The following GNAS variants were observed in gnomAD, a reference collection of about 807,000 sequenced individuals.
GNAS encodes the protein GNAS complex locus.
In GNAS, 8 loss-of-function variants were observed where a neutral mutation model predicts 54.5. The observed-to-expected ratio is 0.15, with a 90% CI of 0.09 to 0.26. The LOEUF (loss-of-function observed/expected upper bound fraction) is 0.26, where lower values mean the gene tolerates loss of function less well. Among genes scored for constraint, GNAS ranks in the 10% least tolerant of loss-of-function variants. The pLI is 1.00. For missense variants in GNAS, 170 were observed against 529.8 expected, an observed-to-expected ratio of 0.32 and a Z score of 6.67; for synonymous variants, 204 against 191.4, an observed-to-expected ratio of 1.07 and a Z score of -0.54.
intron 1 of GNAS, among the ~76,000 whole-genome samples, chr20:58,874,750 G>GCCTGCCTTCTATCTTAGTTCCAGT (rs1289722711): frequency 2.0e-4 from 31 of 151,638 alleles, no homozygotes; most frequent in Admixed American, 3.3e-4. Context: ...TTAGTTCCTG[G>GCCTGCCTTCTATCTTAGTTCCAGT]CCTGCCCTCT....
At chr20:58,889,251 C>G (rs1434583262), upstream of GNAS, 2 of 1,115,928 alleles carry the variant, frequency 1.8e-6, no homozygotes, top group South Asian at 1.9e-5. Flanking sequence ...CTCTCTGGCT[C>G]CGGGCTGCGG....
rs759608890 is a variant in GNAS at position 58,909,148 on chromosome 20, T to A, written c.531-14T>A. The A allele has an allele frequency of 2.5e-6, 4 of 1,612,550 alleles. No homozygotes were observed. The highest frequency in any genetic ancestry group is 1.7e-5 in the Admixed American group (1 of 59,946). ...GCGCTGTGAACACCCCACGTGTCTT[T>A]CTTTTTCTCCCAGCTTCCTGGACAA... On this transcript the variant is annotated splice_polypyrimidine_tract_variant and intron_variant, in intron 6 of 12. Transcript: ENST00000371085. The surrounding 1 kb of genome is among the most constrained non-coding windows in gnomAD (Gnocchi z 7.3).
intron 1 of GNAS, among the ~76,000 whole-genome samples, chr20:58,893,066 CTTTTTTTTTTTT>C (rs869179421): frequency 2.9e-5 from 3 of 103,096 alleles, no homozygotes; most frequent in South Asian, 3.0e-4. Flanking sequence ...GGCGTGGTTT[CTTTTTTTTTTTT>C]TTTTTTTTTT....
At chr20:58,839,772 A>G, upstream of GNAS, 1 of 567,508 alleles carries the variant, frequency 1.8e-6, no homozygotes, top group Non-Finnish European at 3.1e-6. Flanking sequence ...TCTCCCAGGC[A>G]AGAGGACCGG....
At chr20:58,843,728 C>T (rs1466834256) in intron 1 of GNAS, among the ~76,000 whole-genome samples, 1 of 152,178 alleles carries the variant, frequency 6.6e-6, no homozygotes, top group African/African-American at 2.4e-5. Flanking sequence ...TCCTTTAGTA[C>T]ATTAATCATT....
chr20:58,888,220 G>A (rs1252805942), upstream of GNAS, among the ~76,000 whole-genome samples: 3 of 152,152 alleles, frequency 2.0e-5, no homozygotes, highest in African/African-American at 7.2e-5. Context: ...CGGGACGTAG[G>A]CCTGTGTCCC....
chr20:58,854,320 C>T, intron 1 of GNAS: 1 of 1,597,820 alleles, frequency 6.3e-7, no homozygotes. Context: ...GCAGAGAGAC[C>T]CCCAGTTGAG....
In GNAS at chr20:58,893,066, C is replaced by CTTTTTTTTTTTTTTTTT. The variant is rs869179421; in HGVS notation, c.139+1208_139+1224dup. Reference sequence around the variant, plus strand: ...TCTTGGTCTGGAAATGGCGTGGTTTCTTTTTTTTTTTTTTTTTTTTTTTGT... The same window carrying CTTTTTTTTTTTTTTTTT: ...TCTTGGTCTGGAAATGGCGTGGTTTCTTTTTTTTTTTTTTTTTTTTTTTTTTTTTTTTTTTTTTTTGT... On this transcript the variant is annotated intron_variant, in intron 1 of 12. Transcript: ENST00000371085. Among the ~76,000 whole-genome samples the CTTTTTTTTTTTTTTTTT allele has an allele frequency of 7.8e-5, 8 of 103,088 alleles. 1 individual carries two copies. The highest frequency in any genetic ancestry group is 1.2e-4 in the African/African-American group (3 of 24,234). 67.6% of individuals were successfully genotyped at this position (103,088 alleles called of 152,430 possible). A position where few individuals can be genotyped will look rare whatever the true frequency, so the allele number is the denominator to read the frequency against.
chr20:58,868,830 TTATTC>T (rs1239036833), intron 1 of GNAS, among the ~76,000 whole-genome samples: 9 of 152,090 alleles, frequency 5.9e-5, no homozygotes, highest in Non-Finnish European at 1.2e-4. Flanking sequence ...AGAACACAAA[TTATTC>T]AGGGCTGGGA....
chr20:58,840,508 C>A, upstream of GNAS: 1 of 1,613,326 alleles, frequency 6.2e-7, no homozygotes, highest in Non-Finnish European at 8.5e-7. This position sits in a 1 kb window ranked among gnomAD's most constrained non-coding sequence, Gnocchi z 6.0. Context: ...CCGCCCCCAC[C>A]ACTGAGCCCG....
In GNAS at chr20:58,856,191, CA is replaced by C. The variant is rs1425022573; in HGVS notation, c.43+15306del. ...CGTTCGCCAAACCCTCCCGCCTTTA[CA>C]GTTGAAAAACCAGACACACAGGTAT... On this transcript the variant is annotated intron_variant, in intron 1 of 12. Coordinates refer to the GNAS transcript ENST00000306090. The surrounding 1 kb of genome is among the most constrained non-coding windows in gnomAD (Gnocchi z 4.2). 6.4e-6 allele frequency: 1 copy of C among 156,186 alleles called. No homozygotes were observed. Among genetic ancestry groups the C allele is most frequent in the African/African-American group, 2.4e-5 (1 of 41,454 alleles). 9.7% of individuals were successfully genotyped at this position (156,186 alleles called of 1,614,324 possible).
At chr20:58,840,432 A>ACGAGACCGAGAG (rs1223739124), upstream of GNAS, 6 of 1,613,356 alleles carry the variant, frequency 3.7e-6, no homozygotes, top group Non-Finnish European at 5.1e-6. This position sits in a 1 kb window ranked among gnomAD's most constrained non-coding sequence, Gnocchi z 6.0. Context: ...GAGTTCGACT[A>ACGAGACCGAGAG]CGAGACCGAG....
rs1220886160 is a variant in GNAS, at chr20:58,856,323, C to T, written c.43+15437C>T. The T allele has an allele frequency of 6.5e-6, 1 of 152,762 alleles. No homozygotes were observed. The highest frequency in any genetic ancestry group is 1.5e-5 in the Non-Finnish European group (1 of 68,174). The allele number at this position is 152,762 out of a possible 1,614,324, so 9.5% of individuals were successfully genotyped here. Reference sequence around the variant, plus strand: ...GAAACACAACCTGCTGTAGGCAAGTCCGGATCCCAAACCACTTGGGGGCTG... The same window carrying T: ...GAAACACAACCTGCTGTAGGCAAGTTCGGATCCCAAACCACTTGGGGGCTG... On this transcript the variant is annotated intron_variant, in intron 1 of 12. Transcript: ENST00000306090. The surrounding 1 kb of genome is among the most constrained non-coding windows in gnomAD (Gnocchi z 4.2).
At chr20:58,891,985 C>A (rs1247523719) in intron 1 of GNAS, 120 bp downstream of exon 1, 3 of 754,702 alleles carry the variant, frequency 4.0e-6, no homozygotes, top group Admixed American at 6.4e-5. Flanking sequence ...CCCGCCCGTT[C>A]GCGGGCTCTG....
chr20:58,871,162 C>T (rs1346977727), intron 1 of GNAS, among the ~76,000 whole-genome samples: 2 of 152,220 alleles, frequency 1.3e-5, no homozygotes, highest in African/African-American at 2.4e-5. Context: ...GAGGTTCCCT[C>T]CCTTTGTTTT....
chr20:58,847,894 C>CA (rs2145516210), intron 1 of GNAS, among the ~76,000 whole-genome samples: 1 of 152,286 alleles, frequency 6.6e-6, no homozygotes, highest in East Asian at 1.9e-4. Flanking sequence ...AGTAGAAACA[C>CA]AATTACTCGT....
At chr20:58,858,368 CAA>C (rs1453612314) in intron 1 of GNAS, among the ~76,000 whole-genome samples, 1 of 151,222 alleles carries the variant, frequency 6.6e-6, no homozygotes, top group African/African-American at 2.4e-5. Flanking sequence ...CCTAAGAAAT[CAA>C]AGAGAGAGAG....
rs1260121751 is a variant in GNAS, at chr20:58,856,335, C to T, written c.43+15449C>T. On this transcript the variant is annotated intron_variant, in intron 1 of 12. Coordinates refer to the GNAS transcript ENST00000306090. This position sits in a 1 kb window ranked among gnomAD's most constrained non-coding sequence, Gnocchi z 4.2. ...GCTGTAGGCAAGTCCGGATCCCAAA[C>T]CACTTGGGGGCTGGTTCCAAGGGGG... is the stretch of plus-strand genomic sequence containing the variant. The T allele has an allele frequency of 1.3e-5, 2 of 152,688 alleles. No individual in the cohort carries two copies. Among genetic ancestry groups the T allele is most frequent in the Admixed American group, 6.5e-5 (1 of 15,284 alleles). The allele number at this position is 152,688 out of a possible 1,614,324, so 9.5% of individuals were successfully genotyped here.
chr20:58,840,737 AAGG>A (rs772141516), upstream of GNAS: 35 of 1,605,218 alleles, frequency 2.2e-5, no homozygotes, highest in African/African-American at 3.3e-4. This position sits in a 1 kb window ranked among gnomAD's most constrained non-coding sequence, Gnocchi z 6.0. Flanking sequence ...GAAGGAGCCC[AAGG>A]AGGAGAAGCA....
Sources: gnomAD v4.1 joint callset for allele counts (sites outside exome capture counted in the v4.1 genomes callset) on GRCh38, gnomAD v4.1.1 for gene constraint, Gnocchi (gnomAD v3.1) non-coding constraint, MANE v1.5 for transcripts, NCBI Gene and HGNC (gene_info 2026-07-23, HGNC 2026-07-21) for gene names.